The following SNAPC4 variants were observed in gnomAD, a reference collection of about 807,000 sequenced individuals.
SNAPC4 encodes the protein small nuclear RNA activating complex polypeptide 4, also known as snRNA-activating protein complex subunit 4.
SNAPC4 carries 127 observed loss-of-function variants against 151.3 expected under a neutral mutation model. The observed-to-expected ratio is 0.84, with a 90% CI of 0.73 to 0.97. The LOEUF (loss-of-function observed/expected upper bound fraction) is 0.97, where lower values mean the gene tolerates loss of function less well. SNAPC4 is among the 50% of genes least tolerant of loss of function. SNAPC4 has a pLI of 0.00. For synonymous variants in SNAPC4, 1,002 were observed against 824.4 expected (o/e 1.22, Z -3.69); for missense variants, 2,186 against 1,935.0 (o/e 1.13, Z -2.43).
chr9:136,393,653 C>T (rs373027312), intron 7 of SNAPC4, among the ~76,000 whole-genome samples: 22 of 151,308 alleles, frequency 1.5e-4, no homozygotes, highest in African/African-American at 5.4e-4. Flanking sequence ...CCCCATGCCC[C>T]GAGCCACACC....
intron 10 of SNAPC4, 25 bp from the exon 11 acceptor site, chr9:136,388,616 A>G (rs768704442): frequency 2.4e-4 from 381 of 1,613,566 alleles, no homozygotes; most frequent in Non-Finnish European, 3.0e-4. Context: ...ACAAAAGCAA[A>G]TGAGTGTTAC....
Position 136,379,218 on chromosome 9 carries a change from C to G in SNAPC4, c.2609G>C (p.Arg870Pro). ...CGCCTGGGGTAGGGTGCGCTCCACCCGGCTGGACGCCAGTCTTCGGCTCCC... is the reference window on the plus strand; with the variant it reads ...CGCCTGGGGTAGGGTGCGCTCCACCGGGCTGGACGCCAGTCTTCGGCTCCC... ...HKGSRRLASS[R>P]VERTLPQASL... Residue 870 changes from arginine (R) to proline (P), a missense_variant, in exon 22 of 24, where the codon CGG becomes CCG. Coordinates refer to ENST00000684778, the MANE Select transcript of SNAPC4 (RefSeq NM_003086.4). 1 of 1,611,682 alleles carries G rather than the reference C, an allele frequency of 6.2e-7. No individual in the cohort carries two copies. The highest frequency in any genetic ancestry group is 8.5e-7 in the Non-Finnish European group (1 of 1,179,606).
In SNAPC4 at chr9:136,384,707, G is replaced by T; in HGVS notation, c.1420+13C>A. On this transcript the variant is annotated intron_variant, in intron 14 of 23. Coordinates refer to ENST00000684778, the MANE Select transcript of SNAPC4 (RefSeq NM_003086.4). Reference sequence around the variant, plus strand: ...AAAAAAGAAACTAGAAGAACAAACTGTCAGCAACTTACCGACACCATATTT... The same window carrying T: ...AAAAAAGAAACTAGAAGAACAAACTTTCAGCAACTTACCGACACCATATTT... The T allele has an allele frequency of 2.3e-6, 3 of 1,290,134 alleles. No individual in the cohort carries two copies. The highest frequency in any genetic ancestry group is 1.3e-5 in the South Asian group (1 of 78,450). 79.9% of individuals were successfully genotyped at this position (1,290,134 alleles called of 1,614,324 possible).
chr9:136,398,948 C>G (rs774224919), intron 1 of SNAPC4, among the ~76,000 whole-genome samples: 7 of 152,240 alleles, frequency 4.6e-5, no homozygotes, highest in Non-Finnish European at 8.8e-5. Flanking sequence ...GTGGCAGGCA[C>G]TAACAGCATG....
At position 136,397,013 on chromosome 9, in the gene SNAPC4, A is replaced by C. The variant is rs765806698; in HGVS notation, c.141T>G (p.Pro47=). Residue 47 remains proline (P), a synonymous_variant, in exon 3 of 24, where the codon CCT becomes CCG. Transcript: ENST00000684778. ...GATCGGCAGGATCCAAGTCCTCAGA[A>C]GGCAGTGAATCTGTCAGAAACACAA... is the stretch of plus-strand genomic sequence containing the variant. The part of the protein sequence containing the change: ...LESDSEADSL[P]SEDLDPADPP... The C allele has an allele frequency of 6.2e-7, 1 of 1,612,906 alleles. No homozygotes were observed. Among genetic ancestry groups the C allele is most frequent in the Non-Finnish European group, 8.5e-7 (1 of 1,179,908 alleles).
rs760193457 is a variant in SNAPC4, at chr9:136,383,495, C to T, written c.1674G>A (p.Ala558=). 36 of 1,571,788 alleles carry T rather than the reference C, an allele frequency of 2.3e-5. 1 individual carries two copies. In the East Asian group the frequency reaches 6.9e-4, roughly 30 times the overall value. ...EQAQAGEGDR[A]LLSPQYMVPD... ...GGACCATGTACTGTGGGGACAGCAG[C>T]GCTCTGTCACCCTCCCCGGCCTGCG... Residue 558 remains alanine (A), a synonymous_variant, in exon 16 of 24, where the codon GCG becomes GCA. Coordinates refer to ENST00000684778, the MANE Select transcript of SNAPC4 (RefSeq NM_003086.4). This position sits in a 1 kb window ranked among gnomAD's most constrained non-coding sequence, Gnocchi z 4.2.
intron 16 of SNAPC4, among the ~76,000 whole-genome samples, 166 bp from the exon 17 acceptor site, chr9:136,382,502 C>T (rs891664611): frequency 2.6e-5 from 4 of 152,216 alleles, no homozygotes; most frequent in African/African-American, 9.7e-5. Context: ...AGCGTGGGTT[C>T]CCCAGGCAGG....
intron 21 of SNAPC4, 152 bp from the exon 22 acceptor site, chr9:136,379,451 G>T: frequency 7.8e-7 from 1 of 1,275,448 alleles, no homozygotes. Flanking sequence ...GGTCTCCCAA[G>T]TCACAGTGGC....
At chr9:136,393,644 C>T (rs1834158053) in intron 7 of SNAPC4, among the ~76,000 whole-genome samples, 1 of 151,428 alleles carries the variant, frequency 6.6e-6, no homozygotes, top group East Asian at 1.9e-4. Context: ...GTGGACCGAC[C>T]CCATGCCCCG....
intron 12 of SNAPC4, 39 bp downstream of exon 12, chr9:136,387,703 T>A: frequency 2.1e-6 from 3 of 1,449,668 alleles, no homozygotes; most frequent in Non-Finnish European, 2.9e-6. Flanking sequence ...CCGCGTTACC[T>A]TCCCAGAGCC....
Position 136,398,476 on chromosome 9 carries a change from ACCGTG to A in SNAPC4, c.-9-44_-9-40del, listed in dbSNP as rs1416895278. On this transcript the variant is annotated intron_variant, in intron 1 of 23. Coordinates refer to ENST00000684778, the MANE Select transcript of SNAPC4 (RefSeq NM_003086.4). ...ACACCCCGAGATGTTAGAAACCAAG[ACCGTG>A]CCGGGATCCCATTCTCCTTCAGACA... The A allele has an allele frequency of 1.9e-6, 3 of 1,594,956 alleles. No individual in the cohort carries two copies. In the South Asian group the frequency reaches 3.3e-5, roughly 18 times the overall value.
At chr9:136,392,983 G>A (rs925972464) in intron 7 of SNAPC4, among the ~76,000 whole-genome samples, 3 of 152,214 alleles carry the variant, frequency 2.0e-5, no homozygotes, top group Admixed American at 6.5e-5. Context: ...TGCAGTGTCT[G>A]CTGACACAGA....
intron 14 of SNAPC4, 85 bp downstream of exon 14, chr9:136,384,635 C>G: frequency 1.4e-6 from 1 of 708,180 alleles, no homozygotes; most frequent in South Asian, 2.0e-5. Flanking sequence ...GACGACAGAG[C>G]TTGCTCTGTC....
chr9:136,384,680 A>G (rs771225038), intron 14 of SNAPC4, 40 bp downstream of exon 14: 38 of 1,055,834 alleles, frequency 3.6e-5, no homozygotes, highest in Non-Finnish European at 4.9e-5. Flanking sequence ...AACAAAAAAC[A>G]AAAAAAAGAA....
intron 22 of SNAPC4, 132 bp from the exon 23 acceptor site, chr9:136,376,613 G>T: frequency 3.7e-6 from 4 of 1,074,950 alleles, no homozygotes; most frequent in Non-Finnish European, 5.5e-6. Flanking sequence ...AGCTCAGGCG[G>T]GAGCTGCTCC....
Position 136,377,642 on chromosome 9 carries a change from C to T in SNAPC4, c.4185G>A (p.Arg1395=). Residue 1395 remains arginine (R), a synonymous_variant, in exon 22 of 24, where the codon AGG becomes AGA. Coordinates refer to ENST00000684778, the MANE Select transcript of SNAPC4 (RefSeq NM_003086.4). ...CTTCATCCTCACTCTCAGAGCCCACCCTCGAAGGTACTGAGAGGGTGGTGC... is the reference window on the plus strand; with the variant it reads ...CTTCATCCTCACTCTCAGAGCCCACTCTCGAAGGTACTGAGAGGGTGGTGC... ...GVRTTLSVPS[R]VGSESEDEDL... 4 of 1,590,166 alleles carry T rather than the reference C, an allele frequency of 2.5e-6. No homozygotes were observed. The highest frequency in any genetic ancestry group is 2.2e-5 in the South Asian group (2 of 89,218).
intron 14 of SNAPC4, 58 bp downstream of exon 14, chr9:136,384,657 CTCTTT>C: frequency 1.1e-6 from 1 of 873,238 alleles, no homozygotes; most frequent in Non-Finnish European, 1.8e-6. Context: ...TTATCTTGAT[CTCTTT>C]TCTAAGAAAC....
intron 13 of SNAPC4, among the ~76,000 whole-genome samples, chr9:136,386,101 A>G (rs1833878401): frequency 6.6e-6 from 1 of 151,096 alleles, no homozygotes; most frequent in African/African-American, 2.4e-5. Flanking sequence ...CCATTTTACA[A>G]CGCACAAAGG....
At chr9:136,387,660 G>A (rs1833934807) in intron 12 of SNAPC4, 81 bp from the exon 13 acceptor site, 2 of 1,363,540 alleles carry the variant, frequency 1.5e-6, no homozygotes, top group Non-Finnish European at 1.1e-6. Flanking sequence ...GTCAGAGAAG[G>A]GACCACTGGG....
Sources: allele counts gnomAD v4.1 joint callset (sites outside exome capture counted in the v4.1 genomes callset), GRCh38; gene constraint gnomAD v4.1.1; non-coding constraint Gnocchi (gnomAD v3.1); transcripts MANE v1.5; gene names NCBI Gene and HGNC (gene_info 2026-07-23, HGNC 2026-07-21).